MMRN1: variants seen among roughly 807,000 people sequenced by gnomAD.
MMRN1 encodes the protein multimerin 1.
In MMRN1, 94 loss-of-function variants were observed where a neutral mutation model predicts 100.7. The observed-to-expected ratio is 0.93, with a 90% CI of 0.79 to 1.11. MMRN1 has a LOEUF of 1.11. Ranked by LOEUF, MMRN1 falls within the 50% of genes least tolerant of loss-of-function variation. MMRN1 has a pLI of 0.00. For synonymous variants in MMRN1, 575 were observed against 505.0 expected (o/e 1.14, Z -1.86); for missense variants, 1,606 against 1,439.1 (o/e 1.12, Z -1.88).
rs768957920 is a variant in MMRN1 at position 89,935,167 on chromosome 4, A to G, written c.1487A>G (p.His496Arg). 2 of 1,613,116 alleles carry G rather than the reference A, an allele frequency of 1.2e-6. No individual in the cohort carries two copies. The highest frequency in any genetic ancestry group is 1.7e-6 in the Non-Finnish European group (2 of 1,179,622). Residue 496 changes from histidine (H) to arginine (R), a missense_variant, in exon 6 of 8, where the codon CAC becomes CGC. Transcript: ENST00000264790. ...TTAGAAGGTGCTCTAGAACAGGAAC[A>G]CTCAAGAAGCATTCTGTATTATGAA... ...THLEGALEQE[H>R]SRSILYYESL...
chr4:89,916,060 G>T (rs1473119383), intron 3 of MMRN1, among the ~76,000 whole-genome samples: 1 of 151,694 alleles, frequency 6.6e-6, no homozygotes, highest in Non-Finnish European at 1.5e-5. Context: ...TATCACAAGA[G>T]AGTAACTGAC....
In MMRN1 at chr4:89,909,608, T is replaced by G. The variant is rs148896816; in HGVS notation, c.743+213T>G. 3.5e-3 allele frequency among the ~76,000 whole-genome samples: 532 copies of G among 151,642 alleles called. 7 individuals carry two copies. The Middle Eastern group carries it at 0.041, about 12-fold the overall frequency. Reference sequence around the variant, plus strand: ...CATTTGAGATAATGCAATACTATATTTAGCCTAGTGCCTTGTGCCTTATAA... The same window carrying G: ...CATTTGAGATAATGCAATACTATATGTAGCCTAGTGCCTTGTGCCTTATAA... On this transcript the variant is annotated intron_variant, in intron 2 of 7. Transcript: ENST00000264790.
chr4:89,947,038 T>G (rs1322892899), intron 6 of MMRN1, among the ~76,000 whole-genome samples: 1 of 152,116 alleles, frequency 6.6e-6, no homozygotes, highest in African/African-American at 2.4e-5. Context: ...ATCCCACATT[T>G]TGGGAGGCCA....
rs762461357 is a variant in MMRN1, at chr4:89,927,963, T to C, written c.1124T>C (p.Leu375Pro). 7 of 1,567,308 alleles carry C rather than the reference T, an allele frequency of 4.5e-6. No individual in the cohort carries two copies. The highest frequency in any genetic ancestry group is 5.2e-6 in the Non-Finnish European group (6 of 1,158,358). Residue 375 changes from leucine (L) to proline (P), a missense_variant, in exon 5 of 8, where the codon CTA becomes CCA. Leu to Pro is a moderately conservative substitution (Grantham distance 98, BLOSUM62 -3). Transcript: ENST00000264790. The part of the protein sequence containing the change: ...EDKSREFQSL[L>P]KGLKSKSINV... ...AAAAGCAGAGAATTTCAATCTCTTCTAAAAGGTAAAAATGAAATAAAATAA... is the reference window on the plus strand; with the variant it reads ...AAAAGCAGAGAATTTCAATCTCTTCCAAAAGGTAAAAATGAAATAAAATAA...
At chr4:89,896,654 A>T (rs1221781237) in intron 1 of MMRN1, among the ~76,000 whole-genome samples, 1 of 152,168 alleles carries the variant, frequency 6.6e-6, no homozygotes, top group Non-Finnish European at 1.5e-5. Flanking sequence ...ATAAAATAAA[A>T]TCCAAGTTAA....
intron 6 of MMRN1, among the ~76,000 whole-genome samples, chr4:89,938,499 A>T (rs867046291): frequency 1.1e-5 from 1 of 93,466 alleles, no homozygotes; most frequent in African/African-American, 5.2e-5. Flanking sequence ...ATATATATAT[A>T]TATATATATA....
At chr4:89,940,528 A>G (rs1722790640) in intron 6 of MMRN1, among the ~76,000 whole-genome samples, 1 of 152,088 alleles carries the variant, frequency 6.6e-6, no homozygotes, top group African/African-American at 2.4e-5. Context: ...CCATTTCTAA[A>G]TTTTGTGACT....
chr4:89,922,987 T>A (rs1722137177), intron 3 of MMRN1, among the ~76,000 whole-genome samples, 181 bp from the exon 4 acceptor site: 1 of 152,140 alleles, frequency 6.6e-6, no homozygotes, highest in South Asian at 2.1e-4. Flanking sequence ...CATTTCCCAC[T>A]CCAATGTGGT....
At chr4:89,925,469 C>A (rs1342343916) in intron 4 of MMRN1, among the ~76,000 whole-genome samples, 3 of 146,686 alleles carry the variant, frequency 2.0e-5, no homozygotes, top group Admixed American at 2.0e-4. Flanking sequence ...TTTTTATACC[C>A]AAATAAAAAA....
In MMRN1 at chr4:89,954,494, A is replaced by AT. The variant is rs1234208505; in HGVS notation, c.*1082dup. 1 of 152,154 alleles carries AT rather than the reference A, an allele frequency of 6.6e-6. No individual in the cohort carries two copies. Among genetic ancestry groups the AT allele is most frequent in the Non-Finnish European group, 1.5e-5 (1 of 68,024 alleles). The allele number at this position is 152,154 out of a possible 1,614,324, so 9.4% of individuals were successfully genotyped here. On this transcript the variant is annotated 3_prime_UTR_variant, in exon 8 of 8. Coordinates refer to ENST00000264790, the MANE Select transcript of MMRN1 (RefSeq NM_007351.3). Reference sequence around the variant, plus strand: ...TTATCCTCTATTTGTGTTGTCTCCCATTTTTTATTATTACAATATTACTGT... The same window carrying AT: ...TTATCCTCTATTTGTGTTGTCTCCCATTTTTTTATTATTACAATATTACTGT...
At chr4:89,927,661 GTGGT>G in intron 4 of MMRN1, 130 bp from the exon 5 acceptor site, 1 of 685,094 alleles carries the variant, frequency 1.5e-6, no homozygotes. Context: ...TTGAAAAATA[GTGGT>G]GAAAGTGAGC....
upstream of MMRN1, among the ~76,000 whole-genome samples, chr4:89,892,882 A>T (rs528407955): frequency 8.4e-4 from 128 of 152,202 alleles, 1 homozygote; most frequent in African/African-American, 3.0e-3. Context: ...GAAAACAAAA[A>T]ATCAGTGAAT....
chr4:89,910,494 T>G (rs1721715523), intron 2 of MMRN1, among the ~76,000 whole-genome samples: 1 of 151,422 alleles, frequency 6.6e-6, no homozygotes, highest in African/African-American at 2.4e-5. Flanking sequence ...CTATTTTTAA[T>G]ACTCGTGTCA....
At chr4:89,920,669 G>A (rs1461617028) in intron 3 of MMRN1, among the ~76,000 whole-genome samples, 1 of 151,740 alleles carries the variant, frequency 6.6e-6, no homozygotes, top group African/African-American at 2.4e-5. Flanking sequence ...TTTCTGGATT[G>A]CAATTTTAGT....
chr4:89,928,435 A>G (rs1044463590), intron 5 of MMRN1, among the ~76,000 whole-genome samples: 1 of 152,134 alleles, frequency 6.6e-6, no homozygotes, highest in Non-Finnish European at 1.5e-5. Context: ...TATATCCTAA[A>G]ACATTCCAGC....
intron 4 of MMRN1, among the ~76,000 whole-genome samples, chr4:89,927,575 C>T: frequency 6.6e-6 from 1 of 151,798 alleles, no homozygotes; most frequent in Non-Finnish European, 1.5e-5. Context: ...ATAATTTGAC[C>T]CCTTCCTTTC....
At chr4:89,916,656 T>A (rs540228968) in intron 3 of MMRN1, among the ~76,000 whole-genome samples, 30 of 151,806 alleles carry the variant, frequency 2.0e-4, no homozygotes, top group African/African-American at 6.7e-4. Flanking sequence ...TGTATGTTTA[T>A]TTTTTATCTT....
intron 1 of MMRN1, among the ~76,000 whole-genome samples, chr4:89,885,106 T>C (rs1166993136): frequency 1.3e-5 from 2 of 152,014 alleles, no homozygotes; most frequent in Non-Finnish European, 2.9e-5. Flanking sequence ...TAGATGTATA[T>C]ACATACATTT....
At chr4:89,885,075 A>G (rs1720907162) in intron 1 of MMRN1, among the ~76,000 whole-genome samples, 1 of 152,004 alleles carries the variant, frequency 6.6e-6, no homozygotes, top group African/African-American at 2.4e-5. Flanking sequence ...AGTTTTGTCA[A>G]ATGTTTCTAC....
Sources: gnomAD v4.1 joint callset for allele counts (sites outside exome capture counted in the v4.1 genomes callset) on GRCh38, gnomAD v4.1.1 for gene constraint, MANE v1.5 for transcripts, NCBI Gene and HGNC (gene_info 2026-07-23, HGNC 2026-07-21) for gene names.